Variants in NUBPL observed in about 807,000 individuals in gnomAD.
The protein encoded by NUBPL is NUBP iron-sulfur cluster assembly factor, mitochondrial, also known as iron-sulfur cluster transfer protein NUBPL.
A neutral mutation model predicts 45.7 loss-of-function variants in NUBPL; 31 were observed. The ratio of observed to expected loss-of-function variants is 0.68; its 90% CI spans 0.51 to 0.92. NUBPL has a LOEUF of 0.92. Among genes scored for constraint, NUBPL ranks in the 40% least tolerant of loss-of-function variants. The pLI is 0.00. For missense variants in NUBPL, 401 were observed against 398.7 expected (o/e 1.01, Z -0.05); for synonymous variants, 144 against 140.9 (o/e 1.02, Z -0.15).
At chr14:31,849,397 G>A (rs1027214387) in intron 9 of NUBPL, among the ~76,000 whole-genome samples, 15 of 152,186 alleles carry the variant, frequency 9.9e-5, no homozygotes, top group Non-Finnish European at 1.9e-4. Context: ...ATAGTGTGCT[G>A]GAAAGAGTAT....
At chr14:31,775,344 G>T (rs1191469693) in intron 6 of NUBPL, among the ~76,000 whole-genome samples, 6 of 152,132 alleles carry the variant, frequency 3.9e-5, no homozygotes, top group Non-Finnish European at 5.9e-5. Flanking sequence ...CTTCAACCTG[G>T]GAGGCAGAGG....
chr14:31,617,522 T>C (rs2034940042), intron 4 of NUBPL, among the ~76,000 whole-genome samples: 1 of 152,238 alleles, frequency 6.6e-6, no homozygotes, highest in African/African-American at 2.4e-5. Flanking sequence ...TTTCTGCATC[T>C]ATTGAGATAA....
chr14:31,733,337 A>G (rs2038095514), intron 6 of NUBPL, among the ~76,000 whole-genome samples: 1 of 152,168 alleles, frequency 6.6e-6, no homozygotes, highest in South Asian at 2.1e-4. Context: ...ATTTTAGATC[A>G]TGTATATTTC....
intron 4 of NUBPL, among the ~76,000 whole-genome samples, chr14:31,606,256 C>A (rs2034597107): frequency 6.6e-6 from 1 of 151,532 alleles, no homozygotes; most frequent in Non-Finnish European, 1.5e-5. Flanking sequence ...ACCATACTGG[C>A]TAATTTTTAA....
chr14:31,668,997 C>G (rs1351935264), intron 4 of NUBPL, among the ~76,000 whole-genome samples: 1 of 152,086 alleles, frequency 6.6e-6, no homozygotes, highest in Non-Finnish European at 1.5e-5. Flanking sequence ...CCATCTTGCC[C>G]TGCTCCTTAT....
At chr14:31,835,351 C>T (rs2040265036) in intron 8 of NUBPL, among the ~76,000 whole-genome samples, 1 of 152,116 alleles carries the variant, frequency 6.6e-6, no homozygotes, top group African/African-American at 2.4e-5. Flanking sequence ...TTATACAAAC[C>T]AGTCACTCAG....
chr14:31,808,318 C>A lies in NUBPL; in HGVS notation c.608-18311C>A, dbSNP rs563549343. Among the ~76,000 whole-genome samples, 19 of 152,232 alleles carry A rather than the reference C, an allele frequency of 1.2e-4. No individual in the cohort carries two copies. The South Asian group carries it at 3.7e-3, about 30-fold the overall frequency. The stretch of plus-strand genomic sequence containing the variant: ...TTTCATTGAGCAGTGGTTTGTAGTT[C>A]TCCTTGAAGAGGTCCTTCACATCCC... On this transcript the variant is annotated intron_variant, in intron 7 of 10. Transcript: ENST00000281081.
intron 7 of NUBPL, among the ~76,000 whole-genome samples, chr14:31,822,853 C>A (rs916895190): frequency 6.6e-6 from 1 of 152,092 alleles, no homozygotes; most frequent in East Asian, 1.9e-4. Context: ...TCAGACTATT[C>A]TGCAAAGAAA....
At chr14:31,627,146 G>A (rs1483648588) in intron 4 of NUBPL, among the ~76,000 whole-genome samples, 1 of 152,070 alleles carries the variant, frequency 6.6e-6, no homozygotes, top group African/African-American at 2.4e-5. Context: ...TATTTTATCA[G>A]TATTATTGTA....
intron 7 of NUBPL, among the ~76,000 whole-genome samples, chr14:31,815,202 T>C (rs567590319): frequency 6.6e-6 from 1 of 152,134 alleles, no homozygotes; most frequent in African/African-American, 2.4e-5. Context: ...TTTTGTGTCC[T>C]CTCTTATTTT....
intron 6 of NUBPL, among the ~76,000 whole-genome samples, chr14:31,710,853 A>G (rs544359146): frequency 2.2e-4 from 33 of 152,316 alleles, no homozygotes; most frequent in African/African-American, 7.7e-4. Context: ...AATTCCGGAT[A>G]GTTCCCCCTA....
intron 6 of NUBPL, among the ~76,000 whole-genome samples, chr14:31,694,056 C>T (rs2037159764): frequency 2.6e-5 from 4 of 152,034 alleles, no homozygotes; most frequent in Admixed American, 6.5e-5. Flanking sequence ...AGGGTTTCAC[C>T]GTGTTAGCCA....
At chr14:31,762,892 C>G (rs2038842999) in intron 6 of NUBPL, among the ~76,000 whole-genome samples, 1 of 152,022 alleles carries the variant, frequency 6.6e-6, no homozygotes, top group African/African-American at 2.4e-5. Flanking sequence ...TAATGTTTGG[C>G]CAAATAATTT....
intron 6 of NUBPL, among the ~76,000 whole-genome samples, chr14:31,724,579 A>G (rs2037879180): frequency 6.6e-6 from 1 of 152,174 alleles, no homozygotes; most frequent in East Asian, 1.9e-4. Flanking sequence ...TGGTAGTTAT[A>G]ATAGCTAGCA....
intron 9 of NUBPL, among the ~76,000 whole-genome samples, chr14:31,846,886 G>A (rs2040461840): frequency 6.6e-6 from 1 of 151,946 alleles, no homozygotes; most frequent in Non-Finnish European, 1.5e-5. Context: ...AACCCTGGAG[G>A]CGGAGCTTGC....
chr14:31,798,698 A>G (rs932859083), intron 7 of NUBPL, among the ~76,000 whole-genome samples: 1 of 139,804 alleles, frequency 7.2e-6, no homozygotes, highest in African/African-American at 2.7e-5. Context: ...AGGCTGAGGC[A>G]GGAGAATGGC....
intron 6 of NUBPL, among the ~76,000 whole-genome samples, chr14:31,753,254 G>T (rs749135606): frequency 6.6e-6 from 1 of 152,208 alleles, no homozygotes; most frequent in Admixed American, 6.5e-5. Flanking sequence ...ACAGGGCCAT[G>T]GTTGCCAGTG....
At position 31,782,090 on chromosome 14, in the gene NUBPL, A is replaced by T. The variant is rs565252575; in HGVS notation, c.514-5690A>T. Reference sequence around the variant, plus strand: ...GAACATATTTTATGTGTTTCTTATAATTTTTTCTTATTAAAAACACACCTG... The same window carrying T: ...GAACATATTTTATGTGTTTCTTATATTTTTTTCTTATTAAAAACACACCTG... On this transcript the variant is annotated intron_variant, in intron 6 of 10. Transcript: ENST00000281081. Among the ~76,000 whole-genome samples the T allele has an allele frequency of 7.2e-5, 11 of 152,104 alleles. No individual in the cohort carries two copies. The East Asian group carries it at 1.2e-3, about 16-fold the overall frequency.
At chr14:31,807,717 C>T (rs1188283666) in intron 7 of NUBPL, among the ~76,000 whole-genome samples, 6 of 152,006 alleles carry the variant, frequency 3.9e-5, no homozygotes, top group Admixed American at 6.6e-5. Flanking sequence ...TCCTCAATGG[C>T]GTTGCCTAGG....
Sources: allele counts gnomAD v4.1 joint callset (sites outside exome capture counted in the v4.1 genomes callset), GRCh38; gene constraint gnomAD v4.1.1; transcripts MANE v1.5; gene names NCBI Gene and HGNC (gene_info 2026-07-23, HGNC 2026-07-21).